The following GALNT14 variants were observed in gnomAD, a reference collection of about 807,000 sequenced individuals.
The protein encoded by GALNT14 is UDP-GalNAc:polypeptide N-acetylgalactosaminyltransferase 14.
A neutral mutation model predicts 77.5 loss-of-function variants in GALNT14; 60 were observed. That is an observed-to-expected ratio of 0.77 (90% CI 0.63 to 0.96). The LOEUF is 0.96. Among genes scored for constraint, GALNT14 ranks in the 40% least tolerant of loss-of-function variants. The probability of loss-of-function intolerance (pLI) is 0.00; values close to 1 mark genes in which losing one functional copy is unlikely to be tolerated. For missense variants in GALNT14, 710 were observed against 731.0 expected (o/e 0.97, Z 0.33); for synonymous variants, 280 against 281.7 (o/e 0.99, Z 0.06).
At chr2:30,891,435 C>T in the GALNT14 span, among the ~76,000 whole-genome samples, 1 of 152,076 alleles carries the variant, frequency 6.6e-6, no homozygotes, top group African/African-American at 2.4e-5. Flanking sequence ...AACAGATGCT[C>T]AGAAACTGAA....
intron 1 of GALNT14, among the ~76,000 whole-genome samples, chr2:31,066,471 G>A (rs973163881): frequency 6.6e-6 from 1 of 152,088 alleles, no homozygotes; most frequent in Non-Finnish European, 1.5e-5. Context: ...TCGTGAAAAA[G>A]AAACAAGGGG....
the GALNT14 span, among the ~76,000 whole-genome samples, chr2:30,903,513 G>A: frequency 3.3e-5 from 5 of 152,240 alleles, no homozygotes; most frequent in African/African-American, 1.2e-4. Context: ...TGATGCTGGA[G>A]AGGCCCACAT....
At chr2:31,071,305 A>G (rs1371419812) in intron 1 of GALNT14, among the ~76,000 whole-genome samples, 3 of 152,206 alleles carry the variant, frequency 2.0e-5, no homozygotes, top group African/African-American at 4.8e-5. Context: ...ACATGTGCCT[A>G]GTAAGAGTCT....
intron 1 of GALNT14, among the ~76,000 whole-genome samples, chr2:31,136,144 T>C (rs143252220): frequency 0.01 from 1,573 of 152,128 alleles, 11 homozygotes; most frequent in Non-Finnish European, 0.018. Context: ...AGTGATCTGG[T>C]GCTATTAAAG....
chr2:31,041,442 GGCACT>G (rs1673089141), intron 1 of GALNT14, among the ~76,000 whole-genome samples: 1 of 152,110 alleles, frequency 6.6e-6, no homozygotes, highest in Admixed American at 6.6e-5. Flanking sequence ...TGGTCTGAGG[GGCACT>G]GCAGGCCAGG....
downstream of GALNT14, among the ~76,000 whole-genome samples, chr2:30,908,600 G>T (rs1664208575): frequency 1.4e-5 from 2 of 140,274 alleles, no homozygotes; most frequent in South Asian, 2.5e-4. Flanking sequence ...TCATGGGTAG[G>T]AAGAATCAAT....
chr2:30,954,346 G>A (rs998624564), intron 6 of GALNT14, among the ~76,000 whole-genome samples: 1 of 152,184 alleles, frequency 6.6e-6, no homozygotes, highest in South Asian at 2.1e-4. Flanking sequence ...GAGTAGGAGA[G>A]GAGATTTTTC....
At chr2:30,980,085 C>T (rs571088654) in intron 2 of GALNT14, among the ~76,000 whole-genome samples, 18 of 152,260 alleles carry the variant, frequency 1.2e-4, no homozygotes, top group East Asian at 7.7e-4. Context: ...GAGCCAAGGC[C>T]GAGGCCCAGA....
At chr2:31,087,337 C>T (rs1354738849) in intron 1 of GALNT14, among the ~76,000 whole-genome samples, 1 of 152,140 alleles carries the variant, frequency 6.6e-6, no homozygotes, top group Non-Finnish European at 1.5e-5. Flanking sequence ...GTTGACACAG[C>T]TGAATATAAG....
chr2:30,985,245 G>C (rs1356523542), intron 2 of GALNT14, among the ~76,000 whole-genome samples: 1 of 152,206 alleles, frequency 6.6e-6, no homozygotes, highest in Non-Finnish European at 1.5e-5. Context: ...AATTAGCTAA[G>C]GCAGTTTAGA....
At chr2:30,907,358 T>TA (rs1427125479), downstream of GALNT14, among the ~76,000 whole-genome samples, 1 of 151,814 alleles carries the variant, frequency 6.6e-6, no homozygotes, top group Non-Finnish European at 1.5e-5. Context: ...ATAGACGCAA[T>TA]AAAAAATGAT....
At chr2:30,989,298 C>T (rs1669510655) in intron 2 of GALNT14, among the ~76,000 whole-genome samples, 2 of 152,102 alleles carry the variant, frequency 1.3e-5, no homozygotes, top group Non-Finnish European at 1.5e-5. Context: ...TGAACCTGAC[C>T]TTGAAACCCA....
intron 1 of GALNT14, among the ~76,000 whole-genome samples, chr2:31,020,132 G>C (rs977133153): frequency 3.3e-5 from 5 of 152,144 alleles, no homozygotes; most frequent in Non-Finnish European, 5.9e-5. Context: ...GAGCAACTCA[G>C]TCAGGGACTT....
At chr2:30,899,192 G>C in the GALNT14 span, among the ~76,000 whole-genome samples, 5 of 152,196 alleles carry the variant, frequency 3.3e-5, no homozygotes, top group African/African-American at 1.2e-4. Flanking sequence ...GAATGGAGGC[G>C]GGAACCCATT....
chr2:30,888,578 A>G, the GALNT14 span, among the ~76,000 whole-genome samples: 2 of 152,198 alleles, frequency 1.3e-5, no homozygotes, highest in East Asian at 3.9e-4. Context: ...AGGGTGTTAC[A>G]ACTGGAACAA....
chr2:31,041,412 A>C (rs1180423465), intron 1 of GALNT14, among the ~76,000 whole-genome samples: 1 of 152,178 alleles, frequency 6.6e-6, no homozygotes, highest in East Asian at 1.9e-4. Context: ...AAAGATGGAC[A>C]GGATTTGAGC....
In GALNT14 at chr2:30,974,691, T is replaced by C. The variant is rs900950331; in HGVS notation, c.300-8389A>G. 5.3e-5 allele frequency among the ~76,000 whole-genome samples: 8 copies of C among 152,210 alleles called. No individual in the cohort carries two copies. The East Asian group carries it at 1.5e-3, about 29-fold the overall frequency. ...GGGAAGCATTTCAGTCTCCCAAGGC[T>C]TTTCCAACGTGCCTCTTTAGGACCC... On this transcript the variant is annotated intron_variant, in intron 2 of 14. Coordinates refer to ENST00000349752, the MANE Select transcript of GALNT14 (RefSeq NM_024572.4).
At chr2:31,130,788 G>A (rs554221895) in intron 1 of GALNT14, among the ~76,000 whole-genome samples, 21 of 141,098 alleles carry the variant, frequency 1.5e-4, no homozygotes, top group South Asian at 7.2e-4. Context: ...GTGTGTGCGC[G>A]CGCACCTGTG....
At chr2:31,097,246 A>C (rs1677045964) in intron 1 of GALNT14, among the ~76,000 whole-genome samples, 1 of 152,172 alleles carries the variant, frequency 6.6e-6, no homozygotes, top group Non-Finnish European at 1.5e-5. Context: ...AAAGAGCTAA[A>C]GGAGATTACT....
Sources: gnomAD v4.1 joint callset for allele counts (sites outside exome capture counted in the v4.1 genomes callset) on GRCh38, gnomAD v4.1.1 for gene constraint, MANE v1.5 for transcripts, NCBI Gene and HGNC (gene_info 2026-07-23, HGNC 2026-07-21) for gene names.